The following CTNNA2 variants were observed in gnomAD, a reference collection of about 807,000 sequenced individuals.
CTNNA2 encodes the protein catenin alpha-2.
CTNNA2 carries 42 observed loss-of-function variants against 101.0 expected under a neutral mutation model. That is an observed-to-expected ratio of 0.42 (90% CI 0.32 to 0.54). The LOEUF (loss-of-function observed/expected upper bound fraction) is 0.54, where lower values mean the gene tolerates loss of function less well. Among genes scored for constraint, CTNNA2 ranks in the 20% least tolerant of loss-of-function variants. The pLI is 0.14. For synonymous variants in CTNNA2, 450 were observed against 456.4 expected (o/e 0.99, Z 0.18); for missense variants, 871 against 1,223.1 (o/e 0.71, Z 4.29).
chr2:80,625,283 C>T (rs1172500464), intron 18 of CTNNA2, among the ~76,000 whole-genome samples: 1 of 151,946 alleles, frequency 6.6e-6, no homozygotes, highest in Non-Finnish European at 1.5e-5. Context: ...AAAATATCAA[C>T]AGTTACATTA....
intron 18 of CTNNA2, among the ~76,000 whole-genome samples, chr2:80,635,626 T>A (rs989034595): frequency 6.6e-6 from 1 of 152,178 alleles, no homozygotes; most frequent in African/African-American, 2.4e-5. Flanking sequence ...ATTAATATAC[T>A]CTTAATTGGA....
chr2:79,809,300 C>T (rs939276911), intron 3 of CTNNA2, among the ~76,000 whole-genome samples: 12 of 152,268 alleles, frequency 7.9e-5, no homozygotes, highest in Admixed American at 4.6e-4. Flanking sequence ...TTTGGGTATA[C>T]ACCCAGTAAT....
intron 7 of CTNNA2, among the ~76,000 whole-genome samples, chr2:80,346,143 AG>A (rs1672714416): frequency 6.6e-6 from 1 of 152,170 alleles, no homozygotes; most frequent in South Asian, 2.1e-4. Context: ...TAATTTTACA[AG>A]GGGGAAAATC....
intron 7 of CTNNA2, among the ~76,000 whole-genome samples, chr2:80,036,060 A>G (rs1176386582): frequency 6.6e-6 from 1 of 152,202 alleles, no homozygotes; most frequent in Non-Finnish European, 1.5e-5. Context: ...GGTCTAAATC[A>G]GGGTTTGAGG....
At chr2:79,686,249 A>G (rs1683922266) in intron 2 of CTNNA2, among the ~76,000 whole-genome samples, 1 of 152,176 alleles carries the variant, frequency 6.6e-6, no homozygotes, top group African/African-American at 2.4e-5. Context: ...TCTAAAGGCA[A>G]GAAGGATTTG....
At chr2:79,253,507 C>G (rs1674800569) in intron 2 of CTNNA2, among the ~76,000 whole-genome samples, 1 of 152,168 alleles carries the variant, frequency 6.6e-6, no homozygotes, top group South Asian at 2.1e-4. Context: ...ATTTGGTGAG[C>G]TTTCAAACAG....
chr2:79,604,949 C>T (rs1677787852), intron 1 of CTNNA2, among the ~76,000 whole-genome samples: 1 of 152,184 alleles, frequency 6.6e-6, no homozygotes, highest in Non-Finnish European at 1.5e-5. Context: ...GAACCTAACA[C>T]AGCAGAATAC....
At chr2:80,281,747 A>G (rs1674400281) in intron 7 of CTNNA2, among the ~76,000 whole-genome samples, 1 of 152,108 alleles carries the variant, frequency 6.6e-6, no homozygotes, top group Admixed American at 6.6e-5. Flanking sequence ...AAAAATTACT[A>G]TTAATGAAAT....
At chr2:80,154,478 G>A (rs1703891798) in intron 7 of CTNNA2, among the ~76,000 whole-genome samples, 1 of 152,146 alleles carries the variant, frequency 6.6e-6, no homozygotes, top group African/African-American at 2.4e-5. Flanking sequence ...TATATTCTGA[G>A]TATTGAATGT....
chr2:79,793,533 A>G (rs549451041), intron 3 of CTNNA2, among the ~76,000 whole-genome samples: 3 of 152,310 alleles, frequency 2.0e-5, no homozygotes, highest in African/African-American at 7.2e-5. Context: ...TTTTTATTAT[A>G]GGAAGTAATA....
chr2:80,199,144 G>A (rs1230696211), intron 7 of CTNNA2, among the ~76,000 whole-genome samples: 1 of 121,038 alleles, frequency 8.3e-6, no homozygotes, highest in Non-Finnish European at 1.6e-5. Flanking sequence ...TTGTGCCATT[G>A]CACTCCAGCC....
chr2:80,232,376 TTTTTTTTTTTTTG>T (rs1709302383), intron 7 of CTNNA2, among the ~76,000 whole-genome samples: 4 of 89,536 alleles, frequency 4.5e-5, no homozygotes, highest in African/African-American at 1.6e-4. Flanking sequence ...TTTTTTTTTT[TTTTTTTTTTTTTG>T]TTAACACTAG....
chr2:79,935,225 T>C (rs1687697712), intron 7 of CTNNA2, among the ~76,000 whole-genome samples: 1 of 152,164 alleles, frequency 6.6e-6, no homozygotes, highest in South Asian at 2.1e-4. Flanking sequence ...AACACTATTG[T>C]CTTTGTTTTA....
chr2:79,832,116 C>G (rs1229107607), intron 3 of CTNNA2, among the ~76,000 whole-genome samples: 1 of 152,080 alleles, frequency 6.6e-6, no homozygotes, highest in Admixed American at 6.6e-5. Flanking sequence ...TGAGATACCC[C>G]CAACTTCAAT....
intron 1 of CTNNA2, among the ~76,000 whole-genome samples, chr2:79,644,994 T>G (rs759382000): frequency 6.6e-6 from 1 of 152,110 alleles, no homozygotes; most frequent in Non-Finnish European, 1.5e-5. Flanking sequence ...TTTTTTGTTT[T>G]TTTTTTGAGA....
At chr2:79,617,540 T>C (rs948098340) in intron 1 of CTNNA2, among the ~76,000 whole-genome samples, 1 of 152,228 alleles carries the variant, frequency 6.6e-6, no homozygotes, top group Non-Finnish European at 1.5e-5. Context: ...TTTTCAGATG[T>C]CTATGTGATT....
At chr2:79,882,983 C>A (rs1683564511) in intron 6 of CTNNA2, among the ~76,000 whole-genome samples, 1 of 152,214 alleles carries the variant, frequency 6.6e-6, no homozygotes, top group Admixed American at 6.5e-5. Flanking sequence ...GGCCGCACCA[C>A]CCTGCTCTTC....
At chr2:79,654,190 A>G (rs1351799816) in intron 2 of CTNNA2, among the ~76,000 whole-genome samples, 1 of 152,134 alleles carries the variant, frequency 6.6e-6, no homozygotes, top group Non-Finnish European at 1.5e-5. Context: ...GCCTTTTCTC[A>G]TTACCAATTC....
chr2:79,508,535 T>A (rs1573202902), upstream of CTNNA2, among the ~76,000 whole-genome samples: 1 of 152,222 alleles, frequency 6.6e-6, no homozygotes, highest in African/African-American at 2.4e-5. Context: ...AAGAAAAAGA[T>A]TAATTGGAAA....
Sources: gnomAD v4.1 joint callset for allele counts (sites outside exome capture counted in the v4.1 genomes callset) on GRCh38, gnomAD v4.1.1 for gene constraint, MANE v1.5 for transcripts, NCBI Gene and HGNC (gene_info 2026-07-23, HGNC 2026-07-21) for gene names.